Variants in ACO2 observed in about 807,000 individuals in gnomAD.
The protein encoded by ACO2 is aconitase 2.
In ACO2, 31 loss-of-function variants were observed where a neutral mutation model predicts 84.5. The ratio of observed to expected loss-of-function variants is 0.37; its 90% CI spans 0.28 to 0.50. The LOEUF is 0.50. Ranked by LOEUF, ACO2 falls within the 20% of genes least tolerant of loss-of-function variation. The pLI is 0.97. For missense variants in ACO2, 685 were observed against 1,029.3 expected, an observed-to-expected ratio of 0.67 and a Z score of 4.58; for synonymous variants, 414 against 412.7, an observed-to-expected ratio of 1.00 and a Z score of -0.04.
chr22:41,523,114 G>A, intron 10 of ACO2, 91 bp from the exon 11 acceptor site: 1 of 1,542,282 alleles, frequency 6.5e-7, no homozygotes, highest in African/African-American at 1.4e-5. Context: ...TGGGGTTCCA[G>A]TACAGCACTT....
chr22:41,485,201 G>T (rs1282098061), intron 1 of ACO2, among the ~76,000 whole-genome samples: 2 of 151,946 alleles, frequency 1.3e-5, no homozygotes, highest in African/African-American at 2.4e-5. Context: ...GTGCCACATT[G>T]CCCCTTGTAA....
intron 1 of ACO2, among the ~76,000 whole-genome samples, chr22:41,480,259 C>T (rs932858405): frequency 6.6e-6 from 1 of 152,162 alleles, no homozygotes; most frequent in African/African-American, 2.4e-5. Context: ...AAGGGCTAGG[C>T]AGTTAGTTGC....
At chr22:41,497,261 G>T (rs1347518004) in intron 1 of ACO2, among the ~76,000 whole-genome samples, 3 of 151,794 alleles carry the variant, frequency 2.0e-5, no homozygotes, top group African/African-American at 7.3e-5. Context: ...TAGAGACAGG[G>T]TTTCACCACG....
At chr22:41,502,213 A>G (rs1238744212) in intron 2 of ACO2, among the ~76,000 whole-genome samples, 1 of 152,132 alleles carries the variant, frequency 6.6e-6, no homozygotes, top group Non-Finnish European at 1.5e-5. Context: ...CCCCACTCCC[A>G]GCAATTCTGA....
intron 12 of ACO2, among the ~76,000 whole-genome samples, chr22:41,524,603 G>A (rs924166179): frequency 3.9e-5 from 6 of 152,214 alleles, no homozygotes; most frequent in African/African-American, 1.2e-4. Context: ...CAGCACTGCC[G>A]GCCCGGCCCT....
At chr22:41,522,745 C>G in intron 9 of ACO2, 85 bp from the exon 10 acceptor site, 2 of 1,498,846 alleles carry the variant, frequency 1.3e-6, no homozygotes, top group Non-Finnish European at 1.8e-6. Flanking sequence ...CTCTTTTGGC[C>G]AAGTCTGGAT....
intron 1 of ACO2, among the ~76,000 whole-genome samples, chr22:41,480,620 A>G (rs2038075542): frequency 6.6e-6 from 1 of 152,146 alleles, no homozygotes; most frequent in African/African-American, 2.4e-5. Context: ...GCTTACGTTT[A>G]TTGAATGCCT....
intron 1 of ACO2, among the ~76,000 whole-genome samples, chr22:41,493,522 G>A (rs192685770): frequency 3.3e-4 from 51 of 152,336 alleles, no homozygotes; most frequent in Non-Finnish European, 5.1e-4. Context: ...AAGACTGAAA[G>A]TCTAGCTGTC....
At chr22:41,507,142 C>G (rs1162671853) in intron 2 of ACO2, among the ~76,000 whole-genome samples, 1 of 152,064 alleles carries the variant, frequency 6.6e-6, no homozygotes, top group Non-Finnish European at 1.5e-5. Flanking sequence ...AGGCCAGTGG[C>G]AGTGACCCGG....
intron 3 of ACO2, among the ~76,000 whole-genome samples, chr22:41,509,598 A>G (rs567278437): frequency 6.6e-6 from 1 of 152,254 alleles, no homozygotes; most frequent in East Asian, 1.9e-4. Context: ...GAGGAAGAAC[A>G]TGCTAGAAAG....
At chr22:41,521,056 A>AAAG (rs2066521794) in intron 9 of ACO2, among the ~76,000 whole-genome samples, 1 of 147,084 alleles carries the variant, frequency 6.8e-6, no homozygotes, top group Non-Finnish European at 1.5e-5. Context: ...AAAAAAAAAA[A>AAAG]AAAGAAAGAA....
rs115181917 is a variant in ACO2, at chr22:41,508,109, C to T, written c.432+60C>T. The T allele has an allele frequency of 5.6e-4, 880 of 1,557,992 alleles. 5 individuals are homozygous for T. In the African/African-American group the frequency reaches 0.01, roughly 18 times the overall value. ...GGCAAGACTGGGCGAGAGGCCTCACCCTCACACTGGAGCAAACCAGGGCAT... is the reference window on the plus strand; with the variant it reads ...GGCAAGACTGGGCGAGAGGCCTCACTCTCACACTGGAGCAAACCAGGGCAT... On this transcript the variant is annotated intron_variant, in intron 3 of 17. Coordinates refer to ENST00000216254, the MANE Select transcript of ACO2 (RefSeq NM_001098.3).
In ACO2 at chr22:41,475,181, T is replaced by C. The variant is rs369134315; in HGVS notation, c.36+5999T>C. 1.3e-4 allele frequency among the ~76,000 whole-genome samples: 19 copies of C among 147,126 alleles called. No homozygotes were observed. In the East Asian group the frequency reaches 3.3e-3, roughly 26 times the overall value. On this transcript the variant is annotated intron_variant, in intron 1 of 17. Transcript: ENST00000216254. Reference sequence around the variant, plus strand: ...AAATTGTTTTTTCCTTTTTTTTTTTTTTTTTTTTTGAGATAGGGCCTCATT... The same window carrying C: ...AAATTGTTTTTTCCTTTTTTTTTTTCTTTTTTTTTGAGATAGGGCCTCATT...
intron 1 of ACO2, among the ~76,000 whole-genome samples, chr22:41,482,619 G>C (rs990000856): frequency 1.1e-4 from 16 of 152,250 alleles, no homozygotes; most frequent in African/African-American, 3.9e-4. Context: ...AGACATAATT[G>C]TGGTTTTCAG....
intron 1 of ACO2, among the ~76,000 whole-genome samples, chr22:41,498,449 G>A (rs750190597): frequency 5.2e-4 from 79 of 152,326 alleles, no homozygotes; most frequent in Admixed American, 2.0e-3. Flanking sequence ...CCAGGAATTT[G>A]GGAGTGGCTT....
intron 1 of ACO2, among the ~76,000 whole-genome samples, chr22:41,486,914 G>A (rs1475591723): frequency 6.9e-6 from 1 of 144,554 alleles, no homozygotes; most frequent in African/African-American, 2.6e-5. Context: ...GAGACAGTCT[G>A]TCTCTGTCGC....
In ACO2 at chr22:41,526,984, G is replaced by A. The variant is rs113668024; in HGVS notation, c.1954-304G>A. The stretch of plus-strand genomic sequence containing the variant: ...GCATCTTGTGTGGGGCCCGGAGGCC[G>A]TCCCTGTCTCACCCAACCTCCCTCC... On this transcript the variant is annotated intron_variant, in intron 15 of 17. Transcript: ENST00000216254. 8.4e-5 allele frequency: 40 copies of A among 478,416 alleles called. 3 individuals carry two copies. Among genetic ancestry groups the A allele is most frequent in the African/African-American group, 3.0e-4 (15 of 50,560 alleles). 29.6% of individuals were successfully genotyped at this position (478,416 alleles called of 1,614,324 possible). A position where few individuals can be genotyped will look rare whatever the true frequency, so the allele number is the denominator to read the frequency against.
At chr22:41,495,706 C>T (rs1317849666) in intron 1 of ACO2, among the ~76,000 whole-genome samples, 1 of 150,894 alleles carries the variant, frequency 6.6e-6, no homozygotes, top group Non-Finnish European at 1.5e-5. Flanking sequence ...CTGCAAGCTC[C>T]ACCTCCTGGG....
At chr22:41,527,627 G>A (rs2146151695) in intron 16 of ACO2, 3 of 827,928 alleles carry the variant, frequency 3.6e-6, no homozygotes, top group South Asian at 1.8e-5. Context: ...TTCCAGGCTT[G>A]TAGATCTGAG....
Sources: allele counts gnomAD v4.1 joint callset (sites outside exome capture counted in the v4.1 genomes callset), GRCh38; gene constraint gnomAD v4.1.1; transcripts MANE v1.5; gene names NCBI Gene and HGNC (gene_info 2026-07-23, HGNC 2026-07-21).